ASH1L: variants seen among roughly 807,000 people sequenced by gnomAD.
The protein encoded by ASH1L is histone-lysine N-methyltransferase ASH1L.
A neutral mutation model predicts 269.0 loss-of-function variants in ASH1L; 23 were observed. The ratio of observed to expected loss-of-function variants is 0.09; its 90% CI spans 0.06 to 0.12. The LOEUF is 0.12. Ranked by LOEUF, ASH1L falls within the 10% of genes least tolerant of loss-of-function variation. The pLI is 1.00. For synonymous variants in ASH1L, 1,187 were observed against 1,253.5 expected (o/e 0.95, Z 1.12); for missense variants, 2,912 against 3,567.8 (o/e 0.82, Z 4.68).
Position 155,479,197 on chromosome 1 carries a change from G to C in ASH1L, c.3673C>G (p.His1225Asp), listed in dbSNP as rs915355980. ...EKFCGQKKRR[H>D]SFEHVSLIPP... ...ATCAGAGAAACATGCTCAAAAGAAT[G>C]CCTCCTCTTTTTTTGCCCACAAAAT... is the stretch of plus-strand genomic sequence containing the variant. Residue 1225 changes from histidine to aspartate, a missense_variant, in exon 3 of 28, where the codon CAT (histidine) becomes GAT (aspartate). Coordinates refer to ENST00000392403, the MANE Select transcript of ASH1L (RefSeq NM_018489.3). The C allele has an allele frequency of 3.7e-6, 6 of 1,613,982 alleles. No homozygotes were observed. The highest frequency in any genetic ancestry group is 1.7e-6 in the Non-Finnish European group (2 of 1,180,014).
intron 4 of ASH1L, among the ~76,000 whole-genome samples, chr1:155,449,290 A>G (rs1362734754): frequency 6.6e-6 from 1 of 151,948 alleles, no homozygotes. Context: ...ATTTTTGGGG[A>G]TTCATCTTTT....
At chr1:155,344,303 G>C in intron 21 of ASH1L, 30 bp from the exon 22 acceptor site, 1 of 1,524,992 alleles carries the variant, frequency 6.6e-7, no homozygotes, top group Middle Eastern at 1.7e-4. Flanking sequence ...AATGTATAAG[G>C]GCTGGAATTA....
intron 6 of ASH1L, chr1:155,396,535 G>C (rs1247877701): frequency 2.6e-5 from 4 of 151,836 alleles, no homozygotes; most frequent in African/African-American, 9.7e-5. Context: ...GGCTGGTCTT[G>C]AACTCCTGAC....
chr1:155,478,699 G>C lies in ASH1L; in HGVS notation c.4171C>G (p.Leu1391Val), dbSNP rs200342675. The C allele has an allele frequency of 6.2e-7, 1 of 1,614,038 alleles. No homozygotes were observed. The highest frequency in any genetic ancestry group is 1.1e-5 in the South Asian group (1 of 91,060). ...SYGMPYSPSP[L>V]TAAPIGLGYY... is the part of the protein sequence containing the mutation. The stretch of plus-strand genomic sequence containing the variant: ...CCTAATCCTATGGGAGCAGCTGTAA[G>C]GGGTGAAGGAGAGTAAGGCATACCA... The change falls in exon 3 of 28, where the codon CTT becomes GTT. Residue 1391 changes from leucine (L) to valine (V), a missense_variant. This residue lies in a region of ASH1L where 789 missense variants were observed against 897.6 expected (regional missense o/e 0.88). Transcript: ENST00000392403. The surrounding 1 kb of genome is among the most constrained non-coding windows in gnomAD (Gnocchi z 4.6).
chr1:155,404,846 G>A (rs1440327407), intron 6 of ASH1L, among the ~76,000 whole-genome samples: 1 of 151,852 alleles, frequency 6.6e-6, no homozygotes, highest in Non-Finnish European at 1.5e-5. Flanking sequence ...TGGCCAACAC[G>A]GTGAAACTCT....
intron 13 of ASH1L, among the ~76,000 whole-genome samples, chr1:155,358,992 C>T (rs1008845033): frequency 3.3e-5 from 5 of 152,054 alleles, no homozygotes; most frequent in East Asian, 1.9e-4. Context: ...CAGTGGTACA[C>T]GCCTGCGGTC....
At chr1:155,468,293 TATC>T in intron 3 of ASH1L, among the ~76,000 whole-genome samples, 1 of 152,044 alleles carries the variant, frequency 6.6e-6, no homozygotes, top group East Asian at 1.9e-4. Flanking sequence ...CACCATGCCT[TATC>T]ATTGGTGAAG....
chr1:155,462,132 A>G (rs1181657045), intron 3 of ASH1L, among the ~76,000 whole-genome samples: 1 of 152,208 alleles, frequency 6.6e-6, no homozygotes, highest in African/African-American at 2.4e-5. Context: ...CTTTTCTCTC[A>G]GTAATAAACT....
intron 2 of ASH1L, among the ~76,000 whole-genome samples, chr1:155,507,368 C>A (rs1667883203): frequency 6.6e-6 from 1 of 151,110 alleles, no homozygotes; most frequent in Non-Finnish European, 1.5e-5. Context: ...ATAGAATTTT[C>A]TTTTCTAAAC....
At chr1:155,454,743 G>T (rs544371914) in intron 4 of ASH1L, among the ~76,000 whole-genome samples, 5 of 152,216 alleles carry the variant, frequency 3.3e-5, no homozygotes, top group Non-Finnish European at 7.4e-5. Flanking sequence ...ACTCCAGCCT[G>T]GGTGACAAGA....
chr1:155,398,310 T>C (rs1307103186), intron 6 of ASH1L, among the ~76,000 whole-genome samples: 1 of 152,228 alleles, frequency 6.6e-6, no homozygotes, highest in Non-Finnish European at 1.5e-5. Flanking sequence ...TAGTGATACA[T>C]TCTGACAAAT....
chr1:155,426,461 A>C (rs972839005), intron 5 of ASH1L, among the ~76,000 whole-genome samples: 1 of 152,034 alleles, frequency 6.6e-6, no homozygotes, highest in Non-Finnish European at 1.5e-5. Flanking sequence ...TCGGCCTCCC[A>C]AAGTGCTGGG....
chr1:155,511,290 G>T (rs1003611380), intron 2 of ASH1L, among the ~76,000 whole-genome samples: 2 of 152,088 alleles, frequency 1.3e-5, no homozygotes, highest in Non-Finnish European at 2.9e-5. Flanking sequence ...TTCTATTTTT[G>T]AGTCTAATTC....
intron 6 of ASH1L, among the ~76,000 whole-genome samples, chr1:155,400,174 C>T (rs929191439): frequency 6.6e-5 from 10 of 151,892 alleles, no homozygotes; most frequent in South Asian, 2.1e-4. Context: ...GGTGAAACCC[C>T]GTCTCTACTA....
At chr1:155,420,946 G>A (rs1266133348) in intron 5 of ASH1L, among the ~76,000 whole-genome samples, 1 of 149,612 alleles carries the variant, frequency 6.7e-6, no homozygotes, top group African/African-American at 2.5e-5. Context: ...CATTAAGATG[G>A]CAATTTCTGT....
chr1:155,468,513 GTATT>G lies in ASH1L; in HGVS notation c.4985-8619_4985-8616del, dbSNP rs982403515. The stretch of plus-strand genomic sequence containing the variant: ...GGAAGATTTGCTTCTTTTCTGCCAA[GTATT>G]TATTTAGTCAATCATTTATTTAAAT... On this transcript the variant is annotated intron_variant, in intron 3 of 27. Transcript: ENST00000392403. Among the ~76,000 whole-genome samples, 2 of 152,150 alleles carry G rather than the reference GTATT, an allele frequency of 1.3e-5. 1 individual carries two copies.
chr1:155,397,412 G>A (rs1380991414), intron 6 of ASH1L, among the ~76,000 whole-genome samples: 8 of 151,476 alleles, frequency 5.3e-5, no homozygotes, highest in Non-Finnish European at 1.0e-4. Context: ...CTGGAGAATC[G>A]CTTGACTCCG....
intron 5 of ASH1L, among the ~76,000 whole-genome samples, chr1:155,429,910 C>T (rs1384969772): frequency 6.6e-6 from 1 of 152,122 alleles, no homozygotes; most frequent in Non-Finnish European, 1.5e-5. Flanking sequence ...CTCAAGCAAT[C>T]CCTTAACACC....
intron 5 of ASH1L, among the ~76,000 whole-genome samples, chr1:155,436,856 A>T (rs904941075): frequency 1.6e-4 from 25 of 152,156 alleles, no homozygotes; most frequent in African/African-American, 6.0e-4. Context: ...TAGATTTTGT[A>T]TATGGTTTAA....
Sources: allele counts gnomAD v4.1 joint callset (sites outside exome capture counted in the v4.1 genomes callset), GRCh38; gene constraint gnomAD v4.1.1; regional missense constraint gnomAD v4.1.1; non-coding constraint Gnocchi (gnomAD v3.1); transcripts MANE v1.5; gene names NCBI Gene and HGNC (gene_info 2026-07-23, HGNC 2026-07-21).